The following PARD3B variants were observed in gnomAD, a reference collection of about 807,000 sequenced individuals.
PARD3B encodes par-3 family cell polarity regulator beta.
In PARD3B, 103 loss-of-function variants were observed where a neutral mutation model predicts 130.2. The ratio of observed to expected loss-of-function variants is 0.79; its 90% CI spans 0.67 to 0.93. The LOEUF (loss-of-function observed/expected upper bound fraction) is 0.93. Among genes scored for constraint, PARD3B ranks in the 40% least tolerant of loss-of-function variants. The pLI is 0.00. For synonymous variants in PARD3B, 583 were observed against 553.2 expected, an observed-to-expected ratio of 1.05 and a Z score of -0.76; for missense variants, 1,609 against 1,499.2, an observed-to-expected ratio of 1.07 and a Z score of -1.21.
Position 204,784,496 on chromosome 2 carries a change from A to C in PARD3B, c.222+98214A>C, listed in dbSNP as rs932559161. The stretch of plus-strand genomic sequence containing the variant: ...TAGTATACAGAATAGTACTTGCCCA[A>C]TGTGGGGACATGGCATGTAAGCATT... On this transcript the variant is annotated intron_variant, in intron 2 of 22. Transcript: ENST00000406610. 2.0e-5 allele frequency among the ~76,000 whole-genome samples: 3 copies of C among 152,186 alleles called. No homozygotes were observed. In the South Asian group the frequency reaches 6.2e-4, roughly 32 times the overall value.
chr2:205,362,293 A>G (rs865914693), intron 18 of PARD3B, among the ~76,000 whole-genome samples: 1 of 152,140 alleles, frequency 6.6e-6, no homozygotes, highest in Non-Finnish European at 1.5e-5. Flanking sequence ...TTTGATTTTC[A>G]TGTTTCCATT....
intron 2 of PARD3B, among the ~76,000 whole-genome samples, chr2:204,721,378 A>G (rs1252596703): frequency 6.6e-6 from 1 of 152,126 alleles, no homozygotes; most frequent in Non-Finnish European, 1.5e-5. Context: ...GACTCAGGCT[A>G]GTGAAAAAGG....
At chr2:205,233,185 A>G (rs1455179725) in intron 15 of PARD3B, among the ~76,000 whole-genome samples, 1 of 152,228 alleles carries the variant, frequency 6.6e-6, no homozygotes, top group Non-Finnish European at 1.5e-5. Context: ...CAGATTTCTC[A>G]CAGGAAAAAT....
intron 2 of PARD3B, among the ~76,000 whole-genome samples, chr2:204,892,315 G>C (rs2046477942): frequency 6.6e-6 from 1 of 152,154 alleles, no homozygotes; most frequent in African/African-American, 2.4e-5. Context: ...GCAGTGGGTG[G>C]AGGAAGATCT....
Position 205,352,774 on chromosome 2 carries a change from C to T in PARD3B, c.2631-48239C>T, listed in dbSNP as rs2044041170. Among the ~76,000 whole-genome samples, 1 of 152,140 alleles carries T rather than the reference C, an allele frequency of 6.6e-6. No homozygotes were observed. The highest frequency in any genetic ancestry group is 1.5e-5 in the Non-Finnish European group (1 of 68,024). ...CCATGAGCCATCCCCTTGTCATTTT[C>T]AGCCCCTGACTTGTTCCTGGGGCTG... On this transcript the variant is annotated intron_variant, in intron 18 of 22. Coordinates refer to ENST00000406610, the MANE Select transcript of PARD3B (RefSeq NM_001302769.2). The surrounding 1 kb of genome is among the most constrained non-coding windows in gnomAD (Gnocchi z 5.2).
At chr2:205,316,044 A>T (rs1325664964) in intron 18 of PARD3B, among the ~76,000 whole-genome samples, 2 of 152,086 alleles carry the variant, frequency 1.3e-5, no homozygotes, top group African/African-American at 4.8e-5. Context: ...TTGGCCCCTA[A>T]TAATCTTTTG....
chr2:205,428,616 CAAT>C (rs1237317773), intron 19 of PARD3B, among the ~76,000 whole-genome samples: 1 of 151,698 alleles, frequency 6.6e-6, no homozygotes, highest in Non-Finnish European at 1.5e-5. Flanking sequence ...GGGACTAAGA[CAAT>C]AATATTGATA....
intron 13 of PARD3B, among the ~76,000 whole-genome samples, chr2:205,177,830 A>C (rs1180286645): frequency 6.6e-6 from 1 of 152,150 alleles, no homozygotes; most frequent in Non-Finnish European, 1.5e-5. Context: ...TCATTTTACA[A>C]ATGAAGGTCT....
chr2:205,535,156 T>C (rs1224335841), intron 21 of PARD3B, among the ~76,000 whole-genome samples: 2 of 152,176 alleles, frequency 1.3e-5, no homozygotes, highest in African/African-American at 2.4e-5. Context: ...TACCATGGCT[T>C]ATTCCCACCT....
intron 18 of PARD3B, among the ~76,000 whole-genome samples, chr2:205,368,544 A>AT (rs2044692354): frequency 6.6e-6 from 1 of 152,098 alleles, no homozygotes; most frequent in Non-Finnish European, 1.5e-5. Context: ...AGGCATGAGA[A>AT]TTGCTTGAAC....
rs139862999 is a variant in PARD3B at position 205,180,343 on chromosome 2, T to A, written c.1924+3766T>A. Among the ~76,000 whole-genome samples the A allele has an allele frequency of 8.8e-3, 1,340 of 152,102 alleles. 18 individuals carry two copies. The highest frequency in any genetic ancestry group is 0.03 in the African/African-American group (1,254 of 41,472). ...ATAGCAGAATATATAAACATGATGC[T>A]ATAAAAGAGTATCATGGCCATCACG... is the stretch of plus-strand genomic sequence containing the variant. On this transcript the variant is annotated intron_variant, in intron 13 of 22. Transcript: ENST00000406610.
chr2:204,862,123 T>C (rs912281165), intron 2 of PARD3B, among the ~76,000 whole-genome samples: 18 of 152,166 alleles, frequency 1.2e-4, no homozygotes, highest in Admixed American at 4.6e-4. Flanking sequence ...TTCAAATCTT[T>C]GCTTAGAGGA....
At chr2:205,415,906 C>A (rs2046758773) in intron 19 of PARD3B, among the ~76,000 whole-genome samples, 1 of 152,016 alleles carries the variant, frequency 6.6e-6, no homozygotes, top group Non-Finnish European at 1.5e-5. Context: ...CAGATTAAAC[C>A]CGAAATATGT....
chr2:205,214,963 C>T (rs548099053), intron 15 of PARD3B, among the ~76,000 whole-genome samples: 50 of 152,118 alleles, frequency 3.3e-4, no homozygotes, highest in South Asian at 1.0e-3. Flanking sequence ...TTTCTAAAGG[C>T]GGCTCAGTCT....
intron 20 of PARD3B, chr2:205,482,478 A>C (rs1236502819): frequency 3.3e-5 from 5 of 152,278 alleles, no homozygotes; most frequent in Non-Finnish European, 5.9e-5. Context: ...GAGAAGGAAA[A>C]GAGAGAGACA....
At chr2:205,139,176 A>T (rs2032738026) in intron 10 of PARD3B, among the ~76,000 whole-genome samples, 1 of 147,392 alleles carries the variant, frequency 6.8e-6, no homozygotes, top group Non-Finnish European at 1.5e-5. Context: ...ATTTATCAGT[A>T]TTTTTTTTTT....
rs987020822 is a variant in PARD3B at position 205,112,338 on chromosome 2, A to T, written c.594-1153A>T. ...ATCAACCTAATCCACTGATGAGAAT[A>T]TATTTAATGTATTTATTTTAGATTG... On this transcript the variant is annotated intron_variant, in intron 5 of 22. Transcript: ENST00000406610. Among the ~76,000 whole-genome samples the T allele has an allele frequency of 3.9e-5, 6 of 152,248 alleles. No homozygotes were observed. In the South Asian group the frequency reaches 1.0e-3, roughly 26 times the overall value.
intron 21 of PARD3B, among the ~76,000 whole-genome samples, chr2:205,514,833 C>CTT (rs5837976): frequency 0.39 from 53,559 of 135,662 alleles, 10,070 homozygotes; most frequent in Admixed American, 0.5. Context: ...TCTTACAGTT[C>CTT]TTTTTTTTTT....
intron 2 of PARD3B, among the ~76,000 whole-genome samples, chr2:204,939,317 G>A (rs1688713376): frequency 6.6e-6 from 1 of 152,100 alleles, no homozygotes; most frequent in Non-Finnish European, 1.5e-5. Context: ...AAGATATTAA[G>A]TGCCAGAATT....
Sources: gnomAD v4.1 joint callset for allele counts (sites outside exome capture counted in the v4.1 genomes callset) on GRCh38, gnomAD v4.1.1 for gene constraint, Gnocchi (gnomAD v3.1) non-coding constraint, MANE v1.5 for transcripts, NCBI Gene and HGNC (gene_info 2026-07-23, HGNC 2026-07-21) for gene names.